The following NAALADL2 variants were observed in gnomAD, a reference collection of about 807,000 sequenced individuals.
NAALADL2 encodes inactive N-acetylated-alpha-linked acidic dipeptidase-like protein 2.
Under a neutral mutation model 87.2 loss-of-function variants are expected in NAALADL2, and 76 were observed. The ratio of observed to expected loss-of-function variants is 0.87; its 90% CI spans 0.72 to 1.05. The LOEUF is 1.05. Among genes scored for constraint, NAALADL2 ranks in the 50% least tolerant of loss-of-function variants. The pLI, the probability that NAALADL2 is intolerant of heterozygous loss-of-function variation, is 0.00. For missense variants in NAALADL2, 1,089 were observed against 945.8 expected (o/e 1.15, Z -1.99); for synonymous variants, 354 against 331.0 (o/e 1.07, Z -0.75).
intron 9 of NAALADL2, among the ~76,000 whole-genome samples, chr3:175,543,830 T>C (rs958223692): frequency 4.6e-5 from 7 of 152,136 alleles, no homozygotes; most frequent in Non-Finnish European, 8.8e-5. Flanking sequence ...GTTATTGCAA[T>C]AGAGAGAACT....
intron 11 of NAALADL2, among the ~76,000 whole-genome samples, chr3:175,629,957 T>C (rs117543168): frequency 1.3e-5 from 2 of 151,720 alleles, no homozygotes; most frequent in South Asian, 4.1e-4. Context: ...ACCCATTAAG[T>C]GGATGTTGGA....
chr3:174,689,528 AACATCAC>A (rs1046573838), intron 2 of NAALADL2, among the ~76,000 whole-genome samples: 8 of 152,016 alleles, frequency 5.3e-5, no homozygotes, highest in Non-Finnish European at 1.0e-4. Flanking sequence ...CAGCAGTATG[AACATCAC>A]CGGGGAGCTT....
chr3:174,699,413 G>C (rs777964826), intron 2 of NAALADL2, among the ~76,000 whole-genome samples: 13 of 151,284 alleles, frequency 8.6e-5, no homozygotes, highest in Middle Eastern at 3.4e-3. Flanking sequence ...AGAATCCCTT[G>C]AACCTGGGAG....
chr3:175,340,257 G>T (rs890858201), intron 5 of NAALADL2, among the ~76,000 whole-genome samples: 1 of 152,102 alleles, frequency 6.6e-6, no homozygotes, highest in Non-Finnish European at 1.5e-5. Flanking sequence ...ATATAATTAG[G>T]ATGGCTATAA....
intron 1 of NAALADL2, among the ~76,000 whole-genome samples, chr3:175,064,065 A>T (rs1714080396): frequency 6.6e-6 from 1 of 152,092 alleles, no homozygotes; most frequent in Non-Finnish European, 1.5e-5. Flanking sequence ...AACCAGGTTC[A>T]TCCCAGGAAT....
At chr3:175,196,304 G>A (rs1052103436) in intron 2 of NAALADL2, among the ~76,000 whole-genome samples, 3 of 151,762 alleles carry the variant, frequency 2.0e-5, no homozygotes, top group African/African-American at 7.3e-5. Context: ...CTTAAATCCT[G>A]GTGCATACCT....
intron 3 of NAALADL2, among the ~76,000 whole-genome samples, chr3:174,800,977 C>G (rs1019684612): frequency 4.6e-5 from 7 of 152,160 alleles, no homozygotes; most frequent in Non-Finnish European, 8.8e-5. Context: ...TCCTGTACCC[C>G]CATTGGATCT....
intron 1 of NAALADL2, among the ~76,000 whole-genome samples, chr3:175,018,707 C>T (rs1751176096): frequency 6.6e-6 from 1 of 152,060 alleles, no homozygotes; most frequent in African/African-American, 2.4e-5. Flanking sequence ...GCAAGTATCA[C>T]ATTGTTCTGT....
At position 174,644,454 on chromosome 3, in the gene NAALADL2, G is replaced by C. The variant is rs1163839054; in HGVS notation, c.-114-93187G>C. ...ATGCTGAGTAGGCTAAGGAGGAAGA[G>C]GAAGAGGAATGGTTGATCTTGCTGT... is the stretch of plus-strand genomic sequence containing the variant. On this transcript the variant is annotated intron_variant, in intron 2 of 3. Coordinates refer to the NAALADL2 transcript ENST00000434257. Among the ~76,000 whole-genome samples, 3 of 152,148 alleles carry C rather than the reference G, an allele frequency of 2.0e-5. No homozygotes were observed. The East Asian group carries it at 5.8e-4, about 29-fold the overall frequency.
chr3:175,542,321 T>C (rs1218222633), intron 9 of NAALADL2, among the ~76,000 whole-genome samples: 1 of 152,240 alleles, frequency 6.6e-6, no homozygotes, highest in East Asian at 1.9e-4. Flanking sequence ...ATTTAAACTA[T>C]ATTTCCAGAT....
chr3:175,054,842 A>G (rs1266893227), intron 1 of NAALADL2, among the ~76,000 whole-genome samples: 1 of 152,208 alleles, frequency 6.6e-6, no homozygotes, highest in Non-Finnish European at 1.5e-5. Context: ...CTGCTCTGGA[A>G]TTATAACTTG....
Position 175,236,134 on chromosome 3 carries a change from A to G in NAALADL2, c.819+1930A>G, listed in dbSNP as rs1470231491. ...GGAGATTCACTGGATCTGGAAAATT[A>G]AATTTCTATGACTCCTTTATACTCC... is the stretch of plus-strand genomic sequence containing the variant. On this transcript the variant is annotated intron_variant, in intron 3 of 13. Coordinates refer to ENST00000454872, the MANE Select transcript of NAALADL2 (RefSeq NM_207015.3). 2.0e-5 allele frequency among the ~76,000 whole-genome samples: 3 copies of G among 152,102 alleles called. No homozygotes were observed. In the East Asian group the frequency reaches 5.8e-4, roughly 29 times the overall value.
chr3:175,041,110 C>T (rs961130079), intron 1 of NAALADL2, among the ~76,000 whole-genome samples: 1 of 152,084 alleles, frequency 6.6e-6, no homozygotes, highest in African/African-American at 2.4e-5. Context: ...GGATATAGCA[C>T]TTTTCAGTCT....
intron 3 of NAALADL2, among the ~76,000 whole-genome samples, chr3:174,777,540 AG>A (rs1715361563): frequency 1.3e-5 from 2 of 152,226 alleles, no homozygotes; most frequent in South Asian, 2.1e-4. Context: ...CAGCTGTTAG[AG>A]GGGGATAAAC....
chr3:175,232,027 A>G (rs1470257425), intron 2 of NAALADL2, among the ~76,000 whole-genome samples: 1 of 152,076 alleles, frequency 6.6e-6, no homozygotes, highest in East Asian at 1.9e-4. Context: ...ATGAAAAAGA[A>G]TATAATTCTT....
At chr3:174,917,151 A>G (rs1734526766) in intron 1 of NAALADL2, among the ~76,000 whole-genome samples, 1 of 152,140 alleles carries the variant, frequency 6.6e-6, no homozygotes, top group African/African-American at 2.4e-5. Context: ...ATAACAGTCT[A>G]TAGTAGGAGC....
At chr3:175,059,823 G>A in intron 1 of NAALADL2, 1 of 312,066 alleles carries the variant, frequency 3.2e-6, no homozygotes. Context: ...TTCACTCCTG[G>A]AAGGCTGGCC....
At chr3:175,248,800 T>C (rs889315950) in intron 3 of NAALADL2, among the ~76,000 whole-genome samples, 4 of 152,158 alleles carry the variant, frequency 2.6e-5, no homozygotes, top group Non-Finnish European at 4.4e-5. Context: ...AGTATTATTA[T>C]ATGATTTTTT....
At chr3:174,476,854 C>T (rs1717247075) in intron 1 of NAALADL2, among the ~76,000 whole-genome samples, 1 of 151,906 alleles carries the variant, frequency 6.6e-6, no homozygotes, top group Admixed American at 6.6e-5. Context: ...AACTTTTGTG[C>T]AACAAATCAA....
Sources: allele counts gnomAD v4.1 joint callset (sites outside exome capture counted in the v4.1 genomes callset), GRCh38; gene constraint gnomAD v4.1.1; transcripts MANE v1.5; gene names NCBI Gene and HGNC (gene_info 2026-07-23, HGNC 2026-07-21).